SLC36A1: variants seen among roughly 807,000 people sequenced by gnomAD.
SLC36A1 encodes the protein proton-coupled amino acid transporter 1.
SLC36A1 carries 30 observed loss-of-function variants against 47.5 expected under a neutral mutation model. The ratio of observed to expected loss-of-function variants is 0.63; its 90% CI spans 0.47 to 0.86. The LOEUF is 0.86. Among genes scored for constraint, SLC36A1 ranks in the 40% least tolerant of loss-of-function variants. The pLI is 0.00. For synonymous variants in SLC36A1, 255 were observed against 249.7 expected (o/e 1.02, Z -0.20); for missense variants, 517 against 606.0 (o/e 0.85, Z 1.54).
the SLC36A1 span, among the ~76,000 whole-genome samples, chr5:151,539,407 C>A: frequency 6.6e-6 from 1 of 152,108 alleles, no homozygotes; most frequent in African/African-American, 2.4e-5. Context: ...TAAGTATGTT[C>A]ATGTGAATTT....
chr5:151,522,171 A>G, the SLC36A1 span: 1 of 1,128,506 alleles, frequency 8.9e-7, no homozygotes, highest in Admixed American at 2.8e-5. Flanking sequence ...TTGTGGAGCT[A>G]CGTTTCTCTG....
intron 7 of SLC36A1, among the ~76,000 whole-genome samples, chr5:151,473,223 T>TAGATAGAAAGAA (rs373570099): frequency 1.5e-5 from 2 of 133,902 alleles, no homozygotes; most frequent in Non-Finnish European, 3.3e-5. Context: ...GATAGATAGA[T>TAGATAGAAAGAA]AGAATATATA....
chr5:151,481,666 A>G (rs1413273964), intron 10 of SLC36A1, among the ~76,000 whole-genome samples: 2 of 151,602 alleles, frequency 1.3e-5, no homozygotes, highest in Non-Finnish European at 2.9e-5. Context: ...TTGGAATTCA[A>G]CTTTCTCACC....
chr5:151,437,983 C>T (rs1300195642), intron 1 of SLC36A1, among the ~76,000 whole-genome samples: 1 of 152,102 alleles, frequency 6.6e-6, no homozygotes, highest in African/African-American at 2.4e-5. Context: ...AAACTTCTCT[C>T]CTCTCTGACC....
the SLC36A1 span, among the ~76,000 whole-genome samples, chr5:151,390,720 T>C: frequency 2.6e-5 from 4 of 152,222 alleles, no homozygotes; most frequent in Non-Finnish European, 4.4e-5. Flanking sequence ...TGGTTGTAGA[T>C]GTGTGGTATT....
chr5:151,525,583 G>A, the SLC36A1 span, among the ~76,000 whole-genome samples: 1 of 152,194 alleles, frequency 6.6e-6, no homozygotes, highest in Non-Finnish European at 1.5e-5. Context: ...TCTGTAAAGC[G>A]GGGTGGTAAC....
the SLC36A1 span, among the ~76,000 whole-genome samples, chr5:151,520,895 A>G: frequency 6.6e-6 from 1 of 152,236 alleles, no homozygotes; most frequent in Non-Finnish European, 1.5e-5. Flanking sequence ...GATACATAGT[A>G]CTGATGTAAT....
At chr5:151,434,482 T>C (rs1271184622), upstream of SLC36A1, among the ~76,000 whole-genome samples, 1 of 152,122 alleles carries the variant, frequency 6.6e-6, no homozygotes, top group Non-Finnish European at 1.5e-5. Context: ...GAAGACAGAA[T>C]TAGTGAATCA....
chr5:151,507,228 A>C, the SLC36A1 span: 5 of 1,613,506 alleles, frequency 3.1e-6, no homozygotes, highest in Non-Finnish European at 4.2e-6. Context: ...AGCTGGCGGG[A>C]GTCTGGGGGG....
the SLC36A1 span, chr5:151,534,335 C>G: frequency 1.8e-5 from 22 of 1,248,120 alleles, no homozygotes; most frequent in Non-Finnish European, 2.2e-5. Flanking sequence ...TAGAGAGACA[C>G]AAAGGGGACC....
At chr5:151,530,597 G>A in the SLC36A1 span, among the ~76,000 whole-genome samples, 1 of 152,240 alleles carries the variant, frequency 6.6e-6, no homozygotes, top group East Asian at 1.9e-4. Flanking sequence ...ATGTTTTGGG[G>A]ATACTAACAA....
the SLC36A1 span, chr5:151,521,864 G>A: frequency 1.2e-6 from 2 of 1,614,198 alleles, no homozygotes; most frequent in Non-Finnish European, 8.5e-7. Context: ...ACTGAGAAGT[G>A]CCTGCCCAGG....
the SLC36A1 span, among the ~76,000 whole-genome samples, chr5:151,376,999 T>G: frequency 6.6e-6 from 1 of 152,220 alleles, no homozygotes; most frequent in Non-Finnish European, 1.5e-5. Flanking sequence ...ACATATGGTT[T>G]AATTTTCATG....
chr5:151,458,992 T>C, intron 2 of SLC36A1, 57 bp downstream of exon 2: 1 of 1,528,542 alleles, frequency 6.5e-7, no homozygotes. Context: ...TAAGCCTCCC[T>C]TGGACTTATT....
At chr5:151,545,665 G>A in the SLC36A1 span, 6 of 1,614,182 alleles carry the variant, frequency 3.7e-6, no homozygotes, top group Non-Finnish European at 4.2e-6. Context: ...AATGGTTAGG[G>A]TTCCCATGCT....
chr5:151,510,322 ATTGG>A, the SLC36A1 span: 1 of 880,572 alleles, frequency 1.1e-6, no homozygotes, highest in Non-Finnish European at 1.7e-6. Flanking sequence ...CGTGCTGGGC[ATTGG>A]TGCCCTGCTG....
chr5:151,503,887 G>A, the SLC36A1 span, among the ~76,000 whole-genome samples: 1 of 152,076 alleles, frequency 6.6e-6, no homozygotes, highest in Non-Finnish European at 1.5e-5. Flanking sequence ...CAGAGGCAGA[G>A]GGTTTTTTCC....
the SLC36A1 span, among the ~76,000 whole-genome samples, chr5:151,409,728 C>T: frequency 1.3e-5 from 2 of 152,168 alleles, no homozygotes; most frequent in East Asian, 1.9e-4. Flanking sequence ...AGTTCAATTG[C>T]GCTGGTCCAA....
chr5:151,388,410 A>G, the SLC36A1 span, among the ~76,000 whole-genome samples: 1 of 150,824 alleles, frequency 6.6e-6, no homozygotes, highest in Non-Finnish European at 1.5e-5. Flanking sequence ...CTGAGGCAGG[A>G]GAATCGCTTG....
Sources: allele counts gnomAD v4.1 joint callset (sites outside exome capture counted in the v4.1 genomes callset), GRCh38; gene constraint gnomAD v4.1.1; transcripts MANE v1.5; gene names NCBI Gene and HGNC (gene_info 2026-07-23, HGNC 2026-07-21).